Variants in MAGI2 observed in about 807,000 individuals in gnomAD.
MAGI2 encodes membrane-associated guanylate kinase, WW and PDZ domain-containing protein 2.
A neutral mutation model predicts 133.3 loss-of-function variants in MAGI2; 35 were observed. The observed-to-expected ratio is 0.26, with a 90% CI of 0.20 to 0.35. MAGI2 has a LOEUF of 0.35. Ranked by LOEUF, MAGI2 falls within the 10% of genes least tolerant of loss-of-function variation. The probability of loss-of-function intolerance (pLI) is 1.00; values close to 1 mark genes in which losing one functional copy is unlikely to be tolerated. For missense variants in MAGI2, 1,636 were observed against 1,863.4 expected (o/e 0.88, Z 2.25); for synonymous variants, 729 against 710.6 (o/e 1.03, Z -0.41).
chr7:78,499,730 A>G lies in MAGI2; in HGVS notation c.965+1847T>C, dbSNP rs142218470. Among the ~76,000 whole-genome samples the G allele has an allele frequency of 3.9e-5, 6 of 152,310 alleles. No homozygotes were observed. In the East Asian group the frequency reaches 1.2e-3, roughly 29 times the overall value. Reference sequence around the variant, plus strand: ...CAACTTGTCATGCTGCTTTCCTTTTATTATTTTCATATAGCCTTACTCCCC... The same window carrying G: ...CAACTTGTCATGCTGCTTTCCTTTTGTTATTTTCATATAGCCTTACTCCCC... On this transcript the variant is annotated intron_variant, in intron 5 of 21. Coordinates refer to ENST00000354212, the MANE Select transcript of MAGI2 (RefSeq NM_012301.4).
chr7:79,260,403 CAT>C (rs1833993723), intron 1 of MAGI2, among the ~76,000 whole-genome samples: 2 of 82,202 alleles, frequency 2.4e-5, no homozygotes, highest in African/African-American at 7.4e-5. Flanking sequence ...TACATACATA[CAT>C]ACATACATAC....
chr7:78,109,489 G>A (rs112608911), intron 20 of MAGI2, among the ~76,000 whole-genome samples: 1,561 of 151,874 alleles, frequency 0.01, 26 homozygotes, highest in African/African-American at 0.036. Flanking sequence ...AAAATTAGCT[G>A]GGCGTGGTGG....
chr7:79,011,313 G>T (rs1009675878), intron 1 of MAGI2, among the ~76,000 whole-genome samples: 1 of 152,180 alleles, frequency 6.6e-6, no homozygotes, highest in African/African-American at 2.4e-5. Context: ...AAAGGAAGAA[G>T]ATGCTGCTTG....
intron 6 of MAGI2, among the ~76,000 whole-genome samples, chr7:78,379,406 G>C (rs1794722671): frequency 6.6e-6 from 1 of 151,970 alleles, no homozygotes; most frequent in South Asian, 2.1e-4. Context: ...AGAGTTTACA[G>C]TCTTCCTATT....
intron 21 of MAGI2, among the ~76,000 whole-genome samples, chr7:78,036,348 C>A (rs1428826403): frequency 1.3e-5 from 2 of 152,052 alleles, no homozygotes; most frequent in African/African-American, 4.8e-5. Context: ...TGCAAATTTT[C>A]ATAAAAATTA....
chr7:79,072,276 T>C (rs916894132), intron 1 of MAGI2, among the ~76,000 whole-genome samples: 1 of 152,170 alleles, frequency 6.6e-6, no homozygotes, highest in Non-Finnish European at 1.5e-5. Flanking sequence ...AATTTTTCTA[T>C]ATAAACCTGG....
At chr7:78,424,285 G>A (rs1799075409) in intron 6 of MAGI2, among the ~76,000 whole-genome samples, 1 of 152,206 alleles carries the variant, frequency 6.6e-6, no homozygotes, top group Non-Finnish European at 1.5e-5. Context: ...GTGGCATTGA[G>A]CCTGCAGGTG....
intron 9 of MAGI2, among the ~76,000 whole-genome samples, chr7:78,333,992 G>T (rs1375482335): frequency 1.3e-5 from 2 of 152,156 alleles, no homozygotes; most frequent in South Asian, 4.1e-4. Flanking sequence ...CTGATTCTCA[G>T]TGTGTGCTCA....
intron 14 of MAGI2, among the ~76,000 whole-genome samples, chr7:78,169,823 T>A (rs1319931378): frequency 6.6e-6 from 1 of 152,234 alleles, no homozygotes; most frequent in Non-Finnish European, 1.5e-5. Flanking sequence ...CTGTAACCAT[T>A]CACTACAGTC....
At chr7:78,187,840 T>C (rs1193882291) in intron 12 of MAGI2, among the ~76,000 whole-genome samples, 1 of 152,204 alleles carries the variant, frequency 6.6e-6, no homozygotes, top group Non-Finnish European at 1.5e-5. Context: ...CTACTTGCCA[T>C]CTAGCACTTA....
chr7:78,488,334 G>A (rs945761692), intron 6 of MAGI2, among the ~76,000 whole-genome samples: 1 of 152,014 alleles, frequency 6.6e-6, no homozygotes, highest in Admixed American at 6.6e-5. Flanking sequence ...GTCTCTCTCA[G>A]GATTTTAAAA....
intron 2 of MAGI2, among the ~76,000 whole-genome samples, chr7:78,969,525 T>C (rs1584533920): frequency 6.6e-6 from 1 of 152,052 alleles, no homozygotes; most frequent in South Asian, 2.1e-4. Flanking sequence ...CCGATTCACG[T>C]CTACAATATT....
At chr7:78,787,685 T>A (rs1264366862) in intron 2 of MAGI2, among the ~76,000 whole-genome samples, 1 of 152,168 alleles carries the variant, frequency 6.6e-6, no homozygotes, top group Non-Finnish European at 1.5e-5. Flanking sequence ...TTATACTCCC[T>A]TAGTAAGAAT....
chr7:78,482,199 A>G (rs1792467314), intron 6 of MAGI2, among the ~76,000 whole-genome samples: 2 of 152,112 alleles, frequency 1.3e-5, no homozygotes, highest in South Asian at 4.1e-4. Context: ...AAAAAGCAGT[A>G]TCTCTACACA....
intron 2 of MAGI2, among the ~76,000 whole-genome samples, chr7:78,870,209 G>T (rs1794914944): frequency 6.6e-6 from 1 of 151,860 alleles, no homozygotes; most frequent in Non-Finnish European, 1.5e-5. Flanking sequence ...AATTAGCTGG[G>T]CATGGTGGCA....
intron 4 of MAGI2, among the ~76,000 whole-genome samples, chr7:78,509,777 A>G (rs552666735): frequency 2.0e-5 from 3 of 152,302 alleles, no homozygotes; most frequent in African/African-American, 4.8e-5. Flanking sequence ...GAAGAAGAAT[A>G]CACATTTAAT....
intron 2 of MAGI2, among the ~76,000 whole-genome samples, chr7:78,682,262 T>C (rs529193860): frequency 2.0e-5 from 3 of 152,226 alleles, no homozygotes; most frequent in East Asian, 3.9e-4. Flanking sequence ...CTGGGATACA[T>C]GTGTAGGATG....
At chr7:79,328,323 G>A (rs761551639) in intron 1 of MAGI2, among the ~76,000 whole-genome samples, 1 of 152,044 alleles carries the variant, frequency 6.6e-6, no homozygotes, top group East Asian at 1.9e-4. Flanking sequence ...ATATCCTCCT[G>A]TCCAAAGACC....
intron 21 of MAGI2, among the ~76,000 whole-genome samples, chr7:78,046,636 T>TG (rs138676624): frequency 0.016 from 2,374 of 152,234 alleles, 76 homozygotes; most frequent in African/African-American, 0.055. Flanking sequence ...GCTGCATGTG[T>TG]GACCTATGAG....
Sources: gnomAD v4.1 joint callset for allele counts (sites outside exome capture counted in the v4.1 genomes callset) on GRCh38, gnomAD v4.1.1 for gene constraint, MANE v1.5 for transcripts, NCBI Gene and HGNC (gene_info 2026-07-23, HGNC 2026-07-21) for gene names.